SAMM50: variants seen among roughly 807,000 people sequenced by gnomAD.
SAMM50 encodes sorting and assembly machinery component 50 homolog.
SAMM50 carries 47 observed loss-of-function variants against 66.9 expected under a neutral mutation model. That is an observed-to-expected ratio of 0.70 (90% CI 0.56 to 0.90). SAMM50 has a LOEUF of 0.90. Ranked by LOEUF, SAMM50 falls within the 40% of genes least tolerant of loss-of-function variation. The probability of loss-of-function intolerance (pLI) is 0.00; values close to 1 mark genes in which losing one functional copy is unlikely to be tolerated. For synonymous variants in SAMM50, 191 were observed against 214.1 expected (o/e 0.89, Z 0.94); for missense variants, 535 against 595.3 (o/e 0.90, Z 1.05).
chr22:43,963,255 C>A, intron 1 of SAMM50, 31 bp from the exon 2 acceptor site: 2 of 1,396,678 alleles, frequency 1.4e-6, no homozygotes, highest in South Asian at 1.2e-5. Flanking sequence ...GTGACAAAGT[C>A]ATTTATCTGT....
chr22:43,971,171 A>T (rs924944245), intron 4 of SAMM50, among the ~76,000 whole-genome samples: 7 of 152,190 alleles, frequency 4.6e-5, no homozygotes, highest in African/African-American at 1.2e-4. Flanking sequence ...CCATCTCAGA[A>T]AAAAAGAAAA....
At chr22:43,972,721 G>C (rs2050209902) in intron 5 of SAMM50, 150 bp from the exon 6 acceptor site, 1 of 780,622 alleles carries the variant, frequency 1.3e-6, no homozygotes, top group Admixed American at 2.8e-5. Context: ...TTTAAAGAAT[G>C]AAAGTGATTA....
intron 11 of SAMM50, among the ~76,000 whole-genome samples, chr22:43,982,343 G>A (rs1054563860): frequency 2.6e-5 from 4 of 152,206 alleles, no homozygotes; most frequent in African/African-American, 7.2e-5. Flanking sequence ...TGTAAGTTCC[G>A]CAGTAGGGAA....
chr22:43,968,876 G>A, intron 4 of SAMM50, 58 bp downstream of exon 4: 1 of 1,229,832 alleles, frequency 8.1e-7, no homozygotes, highest in Admixed American at 1.7e-5. Flanking sequence ...GAGAAAAGCT[G>A]TTTTTATGGC....
Position 43,983,997 on chromosome 22 carries a change from G to T in SAMM50, c.1072G>T (p.Glu358Ter). The T allele has an allele frequency of 6.2e-7, 1 of 1,610,898 alleles. No homozygotes were observed. Among genetic ancestry groups the T allele is most frequent in the Non-Finnish European group, 8.5e-7 (1 of 1,178,738 alleles). ...FSMHSIGPQS[E>*]GDYLGGEAYW... The stretch of plus-strand genomic sequence containing the variant: ...CATGCACAGCATCGGGCCACAGAGC[G>T]AAGGTCTGTCCTTTCCCCTCACGGC... Residue 358 changes from glutamate to a stop codon, truncating the protein, a stop_gained, in exon 12 of 15, where the codon GAA becomes TAA. Coordinates refer to ENST00000350028, the MANE Select transcript of SAMM50 (RefSeq NM_015380.5). LOFTEE classifies it high-confidence loss of function. This position sits in a 1 kb window ranked among gnomAD's most constrained non-coding sequence, Gnocchi z 4.2.
intron 14 of SAMM50, among the ~76,000 whole-genome samples, chr22:43,994,877 T>C (rs1346550787): frequency 1.3e-5 from 2 of 152,242 alleles, no homozygotes; most frequent in East Asian, 3.8e-4. Flanking sequence ...TGTTTGTTTG[T>C]ACTTAGAGTG....
At chr22:43,966,529 T>C (rs931200275) in intron 3 of SAMM50, among the ~76,000 whole-genome samples, 5 of 152,108 alleles carry the variant, frequency 3.3e-5, no homozygotes, top group African/African-American at 1.2e-4. Flanking sequence ...AGCTAATTTT[T>C]TGTATTGTTA....
At chr22:43,980,136 A>ACACCCATCCATCCATC (rs1569032053) in intron 10 of SAMM50, among the ~76,000 whole-genome samples, 3 of 13,430 alleles carry the variant, frequency 2.2e-4, no homozygotes, top group African/African-American at 1.0e-3. Context: ...ACCCACCCAC[A>ACACCCATCCATCCATC]CATCCATCCA....
At chr22:43,975,086 A>G (rs1367912417) in intron 7 of SAMM50, 2 of 151,770 alleles carry the variant, frequency 1.3e-5, no homozygotes, top group African/African-American at 4.8e-5. Flanking sequence ...TGAAGAAATG[A>G]TTTAGGAAGC....
intron 8 of SAMM50, 47 bp downstream of exon 8, chr22:43,976,230 A>G (rs1449747298): frequency 5.7e-6 from 9 of 1,575,252 alleles, no homozygotes; most frequent in East Asian, 2.3e-5. Flanking sequence ...TGATGGAACC[A>G]TGCTATGCAT....
intron 12 of SAMM50, among the ~76,000 whole-genome samples, chr22:43,986,035 C>T (rs1356661887): frequency 4.4e-5 from 5 of 112,658 alleles, no homozygotes; most frequent in South Asian, 3.0e-4. Flanking sequence ...TTTATTTTTT[C>T]TTTCTTTCTT....
In SAMM50 at chr22:43,983,137, G is replaced by A. The variant is rs2050273386; in HGVS notation, c.1008-796G>A. 6.6e-6 allele frequency among the ~76,000 whole-genome samples: 1 copy of A among 152,224 alleles called. No individual in the cohort carries two copies. Among genetic ancestry groups the A allele is most frequent in the Non-Finnish European group, 1.5e-5 (1 of 68,046 alleles). On this transcript the variant is annotated intron_variant, in intron 11 of 14. Transcript: ENST00000350028. The surrounding 1 kb of genome is among the most constrained non-coding windows in gnomAD (Gnocchi z 4.2). Reference sequence around the variant, plus strand: ...AGCCGCGCCCTGTTCCCTTTGTGCTGTTGCAGACCTGCAGGGTGTTCTTAG... The same window carrying A: ...AGCCGCGCCCTGTTCCCTTTGTGCTATTGCAGACCTGCAGGGTGTTCTTAG...
intron 9 of SAMM50, 84 bp downstream of exon 9, chr22:43,976,905 G>T: frequency 1.3e-6 from 1 of 763,552 alleles, no homozygotes; most frequent in Non-Finnish European, 2.2e-6. Flanking sequence ...GGCTGGGTGG[G>T]CCTGGGGGTG....
intron 13 of SAMM50, among the ~76,000 whole-genome samples, 181 bp from the exon 14 acceptor site, chr22:43,990,084 G>A (rs577092817): frequency 6.6e-6 from 1 of 152,328 alleles, no homozygotes; most frequent in East Asian, 1.9e-4. Flanking sequence ...AGTAAGTGTG[G>A]CTCCAAGTCC....
chr22:43,970,214 G>A (rs2050196386), intron 4 of SAMM50, among the ~76,000 whole-genome samples: 1 of 152,122 alleles, frequency 6.6e-6, no homozygotes, highest in South Asian at 2.1e-4. Context: ...GGCTGGCGTG[G>A]TTTCCTGTGG....
intron 12 of SAMM50, 110 bp downstream of exon 12, chr22:43,984,110 G>GCTAATTCCACCACC: frequency 1.1e-6 from 1 of 892,544 alleles, no homozygotes; most frequent in Non-Finnish European, 1.7e-6. Flanking sequence ...CTTTCACGGT[G>GCTAATTCCACCACC]GTGGAATTAG....
Position 43,966,936 on chromosome 22 carries a change from G to A in SAMM50, c.235-1795G>A, listed in dbSNP as rs570285867. On this transcript the variant is annotated intron_variant, in intron 3 of 14. Coordinates refer to ENST00000350028, the MANE Select transcript of SAMM50 (RefSeq NM_015380.5). ...CTCTTTGCATATTGAAGAAATGATC[G>A]CTTTGTAGCCTCAGCTGAATGCACC... Among the ~76,000 whole-genome samples, 22 of 151,984 alleles carry A rather than the reference G, an allele frequency of 1.4e-4. No individual in the cohort carries two copies. In the South Asian group the frequency reaches 3.7e-3, roughly 26 times the overall value.
At chr22:43,971,974 C>T (rs949469509) in intron 4 of SAMM50, among the ~76,000 whole-genome samples, 2 of 152,200 alleles carry the variant, frequency 1.3e-5, no homozygotes, top group Non-Finnish European at 2.9e-5. Flanking sequence ...ACTGTGATTA[C>T]AGGCCTGAGT....
At chr22:43,963,465 A>G (rs1010811846) in intron 2 of SAMM50, 69 bp downstream of exon 2, 1 of 915,948 alleles carries the variant, frequency 1.1e-6, no homozygotes, top group Non-Finnish European at 1.7e-6. Flanking sequence ...ACCACTAGGG[A>G]GATGTAAAGG....
Sources: gnomAD v4.1 joint callset for allele counts (sites outside exome capture counted in the v4.1 genomes callset) on GRCh38, gnomAD v4.1.1 for gene constraint, Gnocchi (gnomAD v3.1) non-coding constraint, MANE v1.5 for transcripts, NCBI Gene and HGNC (gene_info 2026-07-23, HGNC 2026-07-21) for gene names.